The following ADGRL3 variants were observed in gnomAD, a reference collection of about 807,000 sequenced individuals.
ADGRL3 encodes adhesion G protein-coupled receptor L3.
In ADGRL3, 62 loss-of-function variants were observed where a neutral mutation model predicts 153.5. The ratio of observed to expected loss-of-function variants is 0.40; its 90% CI spans 0.33 to 0.50. ADGRL3 has a LOEUF of 0.50. ADGRL3 is among the 20% of genes least tolerant of loss of function. The pLI is 0.47. For missense variants in ADGRL3, 1,641 were observed against 1,859.4 expected, an observed-to-expected ratio of 0.88 and a Z score of 2.16; for synonymous variants, 710 against 672.5, an observed-to-expected ratio of 1.06 and a Z score of -0.86.
chr4:61,644,547 A>G (rs1271239009), intron 5 of ADGRL3, among the ~76,000 whole-genome samples: 2 of 152,146 alleles, frequency 1.3e-5, no homozygotes, highest in South Asian at 2.1e-4. Context: ...TTATGTACCC[A>G]GTAGTCATTC....
chr4:61,596,457 A>G (rs544486566), intron 5 of ADGRL3, among the ~76,000 whole-genome samples: 5 of 152,268 alleles, frequency 3.3e-5, no homozygotes, highest in Non-Finnish European at 5.9e-5. Flanking sequence ...TTGGTTTATT[A>G]TATACTTAAG....
chr4:61,909,611 A>T lies in ADGRL3; in HGVS notation c.1939A>T (p.Thr647Ser), dbSNP rs750793413. The change falls in exon 12 of 27, where the codon ACA becomes TCA. Residue 647 changes from threonine (T) to serine (S), a missense_variant. This residue lies in a region of ADGRL3 where 734 missense variants were observed against 797.0 expected (regional missense o/e 0.92). Coordinates refer to ENST00000683033, the MANE Select transcript of ADGRL3 (RefSeq NM_001387552.1). ...ANIARELAEQ[T>S]RNHLNAGDIT... ...CATTGCTAGAGAGCTGGCTGAACAG[A>T]CAAGAAATCACTTGAATGCTGGGGA... 1 of 1,613,678 alleles carries T rather than the reference A, an allele frequency of 6.2e-7. No homozygotes were observed. Among genetic ancestry groups the T allele is most frequent in the East Asian group, 2.2e-5 (1 of 44,830 alleles).
rs970982323 is a variant in ADGRL3, at chr4:61,383,181, C to T, written c.-182C>T. The T allele has an allele frequency of 1.3e-5, 2 of 151,202 alleles. No homozygotes were observed. Among genetic ancestry groups the T allele is most frequent in the Non-Finnish European group, 3.0e-5 (2 of 67,656 alleles). The allele number at this position is 151,202 out of a possible 1,614,324, so 9.4% of individuals were successfully genotyped here. ...ACATGGATTTTTAGCAATTGAAGAG[C>T]AAATTAAGGTAATTAGTAGATTATT... On this transcript the variant is annotated 5_prime_UTR_variant, in exon 2 of 27. Transcript: ENST00000683033.
intron 1 of ADGRL3, among the ~76,000 whole-genome samples, chr4:61,249,532 C>T (rs1014140516): frequency 1.4e-5 from 2 of 144,458 alleles, no homozygotes; most frequent in South Asian, 4.5e-4. Flanking sequence ...CATCTACATT[C>T]CATATTGCAT....
At chr4:61,366,086 T>C (rs1473902308) in intron 1 of ADGRL3, among the ~76,000 whole-genome samples, 7 of 152,188 alleles carry the variant, frequency 4.6e-5, no homozygotes, top group Non-Finnish European at 1.5e-5. Context: ...ATCCTTTCCT[T>C]GAAAATAGTA....
chr4:61,669,873 C>T (rs1474347374), intron 5 of ADGRL3, among the ~76,000 whole-genome samples: 1 of 152,192 alleles, frequency 6.6e-6, no homozygotes, highest in Non-Finnish European at 1.5e-5. Context: ...AGTTTCTTAG[C>T]ATTCTGAGGA....
intron 2 of ADGRL3, among the ~76,000 whole-genome samples, chr4:61,469,419 A>G (rs2097919419): frequency 6.6e-6 from 1 of 152,084 alleles, no homozygotes; most frequent in Non-Finnish European, 1.5e-5. Flanking sequence ...ATTTCTGACT[A>G]AGTAAAGACT....
intron 1 of ADGRL3, among the ~76,000 whole-genome samples, chr4:61,260,812 G>A (rs2092448957): frequency 6.6e-6 from 1 of 151,982 alleles, no homozygotes; most frequent in Non-Finnish European, 1.5e-5. Context: ...TGCAATCTCT[G>A]CCTCCCAGGC....
chr4:61,490,615 CATT>C (rs2098247873), intron 2 of ADGRL3, among the ~76,000 whole-genome samples: 2 of 151,834 alleles, frequency 1.3e-5, no homozygotes, highest in African/African-American at 2.4e-5. Flanking sequence ...ACATTTAACT[CATT>C]GTTGCTGCTG....
At chr4:61,502,378 C>G (rs948055623) in intron 3 of ADGRL3, among the ~76,000 whole-genome samples, 1 of 152,050 alleles carries the variant, frequency 6.6e-6, no homozygotes, top group Non-Finnish European at 1.5e-5. Context: ...AGCAGGATCA[C>G]TGGCACTTAA....
intron 4 of ADGRL3, among the ~76,000 whole-genome samples, chr4:61,560,626 C>T (rs1579536199): frequency 6.7e-6 from 1 of 148,970 alleles, no homozygotes; most frequent in African/African-American, 2.5e-5. Flanking sequence ...CATCCAAATC[C>T]CATTGAATTT....
chr4:61,620,598 T>G (rs887826782), intron 5 of ADGRL3, among the ~76,000 whole-genome samples: 2 of 150,488 alleles, frequency 1.3e-5, no homozygotes, highest in Admixed American at 1.3e-4. Flanking sequence ...CTGGCTTTTC[T>G]AATCTGGTGT....
chr4:61,920,213 A>T (rs750903092), intron 13 of ADGRL3, among the ~76,000 whole-genome samples: 1 of 152,220 alleles, frequency 6.6e-6, no homozygotes, highest in Non-Finnish European at 1.5e-5. Context: ...GAGAATACAC[A>T]TCAATTTACT....
At chr4:61,476,434 T>C (rs913688334) in intron 2 of ADGRL3, among the ~76,000 whole-genome samples, 15 of 151,826 alleles carry the variant, frequency 9.9e-5, no homozygotes, top group Non-Finnish European at 2.1e-4. Flanking sequence ...GGCCAGGCGC[T>C]GTGGCTCATA....
At chr4:61,774,680 AAGAG>A (rs760052520) in intron 8 of ADGRL3, among the ~76,000 whole-genome samples, 8 of 152,252 alleles carry the variant, frequency 5.3e-5, no homozygotes, top group South Asian at 2.1e-4. Context: ...TTTTGAGAGA[AAGAG>A]AGACTGTATT....
chr4:61,470,451 T>A (rs2097935630), intron 2 of ADGRL3, among the ~76,000 whole-genome samples: 1 of 152,018 alleles, frequency 6.6e-6, no homozygotes. Context: ...GTAACATGAT[T>A]AAATTCTTAA....
intron 1 of ADGRL3, among the ~76,000 whole-genome samples, chr4:61,376,160 C>T (rs751682362): frequency 3.3e-5 from 5 of 151,968 alleles, no homozygotes; most frequent in Non-Finnish European, 7.4e-5. Flanking sequence ...TACTGTTTAA[C>T]AATTATTATT....
At chr4:61,716,334 A>G (rs1206964617) in intron 6 of ADGRL3, among the ~76,000 whole-genome samples, 2 of 152,090 alleles carry the variant, frequency 1.3e-5, no homozygotes, top group African/African-American at 4.8e-5. Flanking sequence ...GTTCTATTCA[A>G]CTGCCATTTA....
chr4:61,772,901 G>A (rs557882517), intron 8 of ADGRL3, among the ~76,000 whole-genome samples: 1 of 152,018 alleles, frequency 6.6e-6, no homozygotes, highest in East Asian at 1.9e-4. Context: ...TTCCTACCTT[G>A]TATTACCATG....
Sources: gnomAD v4.1 joint callset for allele counts (sites outside exome capture counted in the v4.1 genomes callset) on GRCh38, gnomAD v4.1.1 for gene constraint, gnomAD v4.1.1 regional missense constraint, MANE v1.5 for transcripts, NCBI Gene and HGNC (gene_info 2026-07-23, HGNC 2026-07-21) for gene names.